LIPG: variants seen among roughly 807,000 people sequenced by gnomAD.
LIPG encodes lipase G, endothelial type, also known as endothelial lipase.
LIPG carries 34 observed loss-of-function variants against 51.8 expected under a neutral mutation model. That is an observed-to-expected ratio of 0.66 (90% CI 0.50 to 0.87). The LOEUF (loss-of-function observed/expected upper bound fraction) is 0.87. Ranked by LOEUF, LIPG falls within the 40% of genes least tolerant of loss-of-function variation. LIPG has a pLI of 0.00. For synonymous variants in LIPG, 246 were observed against 246.1 expected (o/e 1.00, Z 0.00); for missense variants, 580 against 652.7 (o/e 0.89, Z 1.21).
In LIPG at chr18:49,594,879, G is replaced by A. The variant is rs2084973643; in HGVS notation, c.*4357G>A. 1 of 152,204 alleles carries A rather than the reference G, an allele frequency of 6.6e-6. No individual in the cohort carries two copies. The highest frequency in any genetic ancestry group is 2.4e-5 in the African/African-American group (1 of 41,436). The allele number at this position is 152,204 out of a possible 1,614,324, so 9.4% of individuals were successfully genotyped here. ...CAGATGTCAGAGGAAAGCAGAAAAT[G>A]GTGTCTCTGGCATAGTAAAGAAAAT... On this transcript the variant is annotated 3_prime_UTR_variant, in exon 10 of 10. Transcript: ENST00000261292.
At chr18:49,589,815 A>C (rs142287724) in intron 9 of LIPG, 1 of 153,946 alleles carries the variant, frequency 6.5e-6, no homozygotes, top group East Asian at 1.9e-4. Context: ...TGGAATTCAT[A>C]TACCTGAGAA....
At chr18:49,580,469 A>T (rs1247831578) in intron 5 of LIPG, among the ~76,000 whole-genome samples, 1 of 152,150 alleles carries the variant, frequency 6.6e-6, no homozygotes, top group Non-Finnish European at 1.5e-5. Flanking sequence ...CTGTTCCAAT[A>T]AAACTTTATT....
At chr18:49,561,866 G>A (rs900112036), upstream of LIPG, 1 of 1,270,228 alleles carries the variant, frequency 7.9e-7, no homozygotes, top group African/African-American at 1.5e-5. Context: ...GGAGGAAGCG[G>A]GGCCGAGCGT....
At position 49,597,490 on chromosome 18, in the gene LIPG, A is replaced by C. The variant is rs1301700733; in HGVS notation, c.*6968A>C. The C allele has an allele frequency of 1.3e-5, 2 of 152,234 alleles. No homozygotes were observed. Among genetic ancestry groups the C allele is most frequent in the African/African-American group, 4.8e-5 (2 of 41,444 alleles). The allele number at this position is 152,234 out of a possible 1,614,324, so 9.4% of individuals were successfully genotyped here. On this transcript the variant is annotated 3_prime_UTR_variant, in exon 10 of 10. Coordinates refer to ENST00000261292, the MANE Select transcript of LIPG (RefSeq NM_006033.4). ...AATAAAAGGAATAAGAATCAAACAA[A>C]TATAAATCAGGGCTCAAGTCATTTG...
chr18:49,589,508 C>T (rs975056599), intron 9 of LIPG: 1 of 152,408 alleles, frequency 6.6e-6, no homozygotes, highest in African/African-American at 2.4e-5. Flanking sequence ...GTCACCCAGG[C>T]TGGAGTACAG....
intron 7 of LIPG, among the ~76,000 whole-genome samples, chr18:49,583,115 G>A (rs936278113): frequency 1.3e-5 from 2 of 152,194 alleles, no homozygotes; most frequent in Admixed American, 1.3e-4. Flanking sequence ...CTGTCTGTGG[G>A]ATGGATGAGG....
chr18:49,577,224 C>A (rs1444184688), intron 5 of LIPG, among the ~76,000 whole-genome samples: 1 of 130,874 alleles, frequency 7.6e-6, no homozygotes, highest in African/African-American at 3.0e-5. Flanking sequence ...TGACTCTTAA[C>A]GAGCATGCTG....
chr18:49,574,197 T>C (rs1324667227), intron 4 of LIPG, among the ~76,000 whole-genome samples: 1 of 152,180 alleles, frequency 6.6e-6, no homozygotes, highest in African/African-American at 2.4e-5. Context: ...CTGGTTCCCA[T>C]AATCACTTGG....
chr18:49,580,718 T>C (rs569973144), intron 5 of LIPG, among the ~76,000 whole-genome samples: 6 of 152,228 alleles, frequency 3.9e-5, no homozygotes, highest in African/African-American at 1.4e-4. Flanking sequence ...CGTGAGATGA[T>C]GTTTAGGATC....
chr18:49,563,119 AGAGT>A (rs2084569157), intron 1 of LIPG, among the ~76,000 whole-genome samples: 1 of 152,200 alleles, frequency 6.6e-6, no homozygotes, highest in African/African-American at 2.4e-5. Context: ...AGTCAGAATC[AGAGT>A]GAGAACTAAG....
chr18:49,598,252 T>C lies in LIPG; in HGVS notation c.*7730T>C, dbSNP rs1057062740. On this transcript the variant is annotated 3_prime_UTR_variant, in exon 10 of 10. Coordinates refer to ENST00000261292, the MANE Select transcript of LIPG (RefSeq NM_006033.4). ...CTGTGTGGCCCAGGCTGGAGTGTGG[T>C]GGCGCCATCACTGCTCACTGCAGCC... The C allele has an allele frequency of 6.6e-6, 1 of 152,390 alleles. No individual in the cohort carries two copies. Among genetic ancestry groups the C allele is most frequent in the African/African-American group, 2.4e-5 (1 of 41,574 alleles). The allele number at this position is 152,390 out of a possible 1,614,324, so 9.4% of individuals were successfully genotyped here. A position where few individuals can be genotyped will look rare whatever the true frequency, so the allele number is the denominator to read the frequency against.
chr18:49,574,872 A>G (rs1347183291), intron 4 of LIPG, among the ~76,000 whole-genome samples: 1 of 152,230 alleles, frequency 6.6e-6, no homozygotes, highest in East Asian at 1.9e-4. Context: ...TCAGATACAA[A>G]TAGCTCCGTT....
intron 6 of LIPG, among the ~76,000 whole-genome samples, 154 bp from the exon 7 acceptor site, chr18:49,582,208 T>C (rs2084827278): frequency 6.6e-6 from 1 of 152,128 alleles, no homozygotes; most frequent in African/African-American, 2.4e-5. Flanking sequence ...TCTTATGGCA[T>C]TGGACAGAAC....
intron 7 of LIPG, among the ~76,000 whole-genome samples, chr18:49,583,240 T>C (rs553503985): frequency 6.6e-6 from 1 of 152,296 alleles, no homozygotes; most frequent in Admixed American, 6.5e-5. Context: ...ATGTGACTTC[T>C]TTGTGTTTTC....
Position 49,566,450 on chromosome 18 carries a change from C to T in LIPG, c.279+952C>T, listed in dbSNP as rs368997443. On this transcript the variant is annotated intron_variant, in intron 2 of 9. Coordinates refer to ENST00000261292, the MANE Select transcript of LIPG (RefSeq NM_006033.4). ...TTTGTAATCTGTTTGGAACTTGGAA[C>T]AGCAGTTTCCCACAGAAGCAAGATT... is the stretch of plus-strand genomic sequence containing the variant. 5.0e-4 allele frequency among the ~76,000 whole-genome samples: 76 copies of T among 152,306 alleles called. 1 individual carries two copies. In the South Asian group the frequency reaches 0.013, roughly 27 times the overall value.
Position 49,593,053 on chromosome 18 carries a change from T to C in LIPG, c.*2531T>C, listed in dbSNP as rs8091573. The C allele has an allele frequency of 0.93, 140,428 of 151,528 alleles. 65,245 individuals carry two copies. The highest frequency in any genetic ancestry group is 1 in the East Asian group (5,111 of 5,114). 9.4% of individuals were successfully genotyped at this position (151,528 alleles called of 1,614,324 possible). On this transcript the variant is annotated 3_prime_UTR_variant, in exon 10 of 10. Coordinates refer to ENST00000261292, the MANE Select transcript of LIPG (RefSeq NM_006033.4). ...TCAGGTGGTCCTCCCACCTCAGCCTTCTGAGTAGCTGGGATTACAGAGATG... is the reference window on the plus strand; with the variant it reads ...TCAGGTGGTCCTCCCACCTCAGCCTCCTGAGTAGCTGGGATTACAGAGATG...
At chr18:49,577,998 G>A (rs1396414859) in intron 5 of LIPG, among the ~76,000 whole-genome samples, 196 of 135,108 alleles carry the variant, frequency 1.5e-3, no homozygotes, top group African/African-American at 4.9e-3. Context: ...CCTCCCGGAC[G>A]GCACGGCTGG....
chr18:49,590,565 T>G lies in LIPG; in HGVS notation c.*43T>G, dbSNP rs1351023919. 6.4e-7 allele frequency: 1 copy of G among 1,574,278 alleles called. No individual in the cohort carries two copies. Among genetic ancestry groups the G allele is most frequent in the African/African-American group, 1.3e-5 (1 of 74,156 alleles). On this transcript the variant is annotated 3_prime_UTR_variant, in exon 10 of 10. Coordinates refer to ENST00000261292, the MANE Select transcript of LIPG (RefSeq NM_006033.4). ...TTGCCAGCAAGGCAGCAAGACTTCC[T>G]GCTATCCAAGCCCATGGAGGAAAGT... is the stretch of plus-strand genomic sequence containing the variant.
In LIPG at chr18:49,562,320, C is replaced by A. The variant is rs874565; in HGVS notation, c.12C>A (p.Ser4=). ...TGTGGCGGGGCAGGATGAGCAACTC[C>A]GTTCCTCTGCTCTGTTTCTGGAGCC... MSN[S]VPLLCFWSLC... Residue 4 remains serine (S), a synonymous_variant, in exon 1 of 10, where the codon TCC becomes TCA. Transcript: ENST00000261292. 10,629 of 1,613,182 alleles carry A rather than the reference C, an allele frequency of 6.6e-3. 613 individuals are homozygous for A. The African/African-American group carries it at 0.13, about 19-fold the overall frequency.
Sources: allele counts gnomAD v4.1 joint callset (sites outside exome capture counted in the v4.1 genomes callset), GRCh38; gene constraint gnomAD v4.1.1; transcripts MANE v1.5; gene names NCBI Gene and HGNC (gene_info 2026-07-23, HGNC 2026-07-21).